The following CSMD1 variants were observed in gnomAD, a reference collection of about 807,000 sequenced individuals.
CSMD1 encodes the protein CUB and sushi domain-containing protein 1.
In CSMD1, 213 loss-of-function variants were observed where a neutral mutation model predicts 417.5. The observed-to-expected ratio is 0.51, with a 90% CI of 0.46 to 0.57. The LOEUF (loss-of-function observed/expected upper bound fraction) is 0.57. Ranked by LOEUF, CSMD1 falls within the 20% of genes least tolerant of loss-of-function variation. CSMD1 has a pLI of 0.00. For missense variants in CSMD1, 6,923 were observed against 4,529.7 expected, an observed-to-expected ratio of 1.53 and a Z score of -15.17; for synonymous variants, 2,862 against 1,736.8, an observed-to-expected ratio of 1.65 and a Z score of -16.11.
At chr8:3,326,064 C>A (rs1445318750) in intron 23 of CSMD1, among the ~76,000 whole-genome samples, 1 of 152,120 alleles carries the variant, frequency 6.6e-6, no homozygotes, top group Non-Finnish European at 1.5e-5. Flanking sequence ...GATCACAGAC[C>A]CTTATTAAAC....
At chr8:3,469,715 T>C (rs979462159) in intron 11 of CSMD1, among the ~76,000 whole-genome samples, 2 of 152,222 alleles carry the variant, frequency 1.3e-5, no homozygotes, top group African/African-American at 2.4e-5. Context: ...AATCATATCA[T>C]CTGTCTATCA....
Position 4,469,247 on chromosome 8 carries a change from C to T in CSMD1, c.303-49182G>A, listed in dbSNP as rs143894462. The stretch of plus-strand genomic sequence containing the variant: ...AGGAAAGGAAAGCTCATAAAAGGAG[C>T]TCAGGGGTCAGGCTGCAGCAAAGAC... On this transcript the variant is annotated intron_variant, in intron 2 of 69. Coordinates refer to ENST00000635120, the MANE Select transcript of CSMD1 (RefSeq NM_033225.6). 5.4e-3 allele frequency among the ~76,000 whole-genome samples: 815 copies of T among 152,298 alleles called. 8 individuals carry two copies. The highest frequency in any genetic ancestry group is 0.017 in the African/African-American group (714 of 41,556).
At chr8:4,607,905 G>C (rs1294299774) in intron 2 of CSMD1, among the ~76,000 whole-genome samples, 2 of 152,078 alleles carry the variant, frequency 1.3e-5, no homozygotes, top group Non-Finnish European at 2.9e-5. Context: ...GTGGTGTCAA[G>C]AGCTTGGACA....
chr8:3,394,631 G>A (rs1274487263), intron 17 of CSMD1, among the ~76,000 whole-genome samples: 1 of 164 alleles, frequency 6.1e-3, no homozygotes, highest in African/African-American at 0.019. Context: ...AGAAAAAGTT[G>A]GGGGGAGGGG....
chr8:4,446,236 G>A (rs1348390795), intron 2 of CSMD1, among the ~76,000 whole-genome samples: 1 of 152,128 alleles, frequency 6.6e-6, no homozygotes, highest in East Asian at 1.9e-4. Context: ...GGATACCTTT[G>A]GGACAGAAGA....
rs1804216455 is a variant in CSMD1, at chr8:4,266,192, AG to A, written c.415+153760del. 2.9e-5 allele frequency among the ~76,000 whole-genome samples: 3 copies of A among 104,592 alleles called. 1 individual carries two copies. Among genetic ancestry groups the A allele is most frequent in the Admixed American group, 9.1e-5 (1 of 10,942 alleles). 68.6% of individuals were successfully genotyped at this position (104,592 alleles called of 152,430 possible). On this transcript the variant is annotated intron_variant, in intron 3 of 69. Transcript: ENST00000635120. ...AACCCAGTGTTATTCACCAAGTTGG[AG>A]GTTTTTTACGTTATTTTTTCTAAGT... is the stretch of plus-strand genomic sequence containing the variant.
At chr8:4,122,925 A>G (rs745315533) in intron 3 of CSMD1, among the ~76,000 whole-genome samples, 3 of 152,250 alleles carry the variant, frequency 2.0e-5, no homozygotes, top group Non-Finnish European at 4.4e-5. Context: ...ACACAAATCC[A>G]CGTTAAATTC....
At position 4,449,164 on chromosome 8, in the gene CSMD1, G is replaced by T. The variant is rs114495795; in HGVS notation, c.303-29099C>A. On this transcript the variant is annotated intron_variant, in intron 2 of 69. Transcript: ENST00000635120. ...GACTTTGCAAATATTTAGCAATATA[G>T]ATCACTCAAAAGCAAGTACATTCTT... 2.3e-3 allele frequency among the ~76,000 whole-genome samples: 343 copies of T among 152,236 alleles called. 1 individual carries two copies. The highest frequency in any genetic ancestry group is 7.6e-3 in the African/African-American group (315 of 41,546).
chr8:4,882,657 G>T (rs1186538552), intron 1 of CSMD1, among the ~76,000 whole-genome samples: 1 of 151,868 alleles, frequency 6.6e-6, no homozygotes, highest in Non-Finnish European at 1.5e-5. Context: ...GTACAACGTT[G>T]TAGACTCTTC....
At chr8:3,320,135 C>A (rs1806058310) in intron 23 of CSMD1, among the ~76,000 whole-genome samples, 1 of 152,196 alleles carries the variant, frequency 6.6e-6, no homozygotes, top group African/African-American at 2.4e-5. Context: ...GCAGGTTTGT[C>A]TGTGCTGTCC....
intron 1 of CSMD1, among the ~76,000 whole-genome samples, chr8:4,688,381 G>A (rs550180698): frequency 2.0e-5 from 3 of 152,282 alleles, no homozygotes; most frequent in South Asian, 4.1e-4. Context: ...CTATCAGGTT[G>A]AGCGTGGCCT....
Position 3,439,311 on chromosome 8 carries a change from T to TA in CSMD1, c.1561+29400_1561+29401insT, listed in dbSNP as rs1563390619. On this transcript the variant is annotated intron_variant, in intron 12 of 69. Transcript: ENST00000635120. ...TATATATATATATATATATATATATTTTTTTTTTTAATATGTATTTTTAAT... is the reference window on the plus strand; with the variant it reads ...TATATATATATATATATATATATATTATTTTTTTTTAATATGTATTTTTAAT... Among the ~76,000 whole-genome samples, 178 of 36,270 alleles carry TA rather than the reference T, an allele frequency of 4.9e-3. 2 individuals carry two copies. Among genetic ancestry groups the TA allele is most frequent in the Non-Finnish European group, 6.1e-3 (125 of 20,552 alleles). 23.8% of individuals were successfully genotyped at this position (36,270 alleles called of 152,430 possible). A position where few individuals can be genotyped will look rare whatever the true frequency, so the allele number is the denominator to read the frequency against.
At chr8:4,245,430 G>C (rs115027419) in intron 3 of CSMD1, among the ~76,000 whole-genome samples, 1 of 152,132 alleles carries the variant, frequency 6.6e-6, no homozygotes, top group Non-Finnish European at 1.5e-5. Context: ...GGAGGAGGCA[G>C]GTTAGGTGGT....
intron 8 of CSMD1, among the ~76,000 whole-genome samples, chr8:3,587,014 G>T (rs1047346135): frequency 6.6e-5 from 10 of 152,224 alleles, no homozygotes; most frequent in African/African-American, 2.4e-4. Context: ...TCGCCAGGCT[G>T]GTCTTCAACT....
chr8:4,323,301 G>A lies in CSMD1; in HGVS notation c.415+96652C>T, dbSNP rs554612759. ...AGGTTCAACAGACTTATTTCACACA[G>A]TCTTACTCTATATAGTACTTCAACC... On this transcript the variant is annotated intron_variant, in intron 3 of 69. Transcript: ENST00000635120. Among the ~76,000 whole-genome samples, 11 of 152,220 alleles carry A rather than the reference G, an allele frequency of 7.2e-5. No individual in the cohort carries two copies. In the East Asian group the frequency reaches 2.1e-3, roughly 29 times the overall value.
At chr8:3,727,917 T>C (rs988014667) in intron 6 of CSMD1, among the ~76,000 whole-genome samples, 2 of 152,182 alleles carry the variant, frequency 1.3e-5, no homozygotes, top group Non-Finnish European at 2.9e-5. Context: ...AGTAGTCAAA[T>C]TCAAAGAGCG....
chr8:4,342,728 C>T (rs554763965), intron 3 of CSMD1, among the ~76,000 whole-genome samples: 1 of 152,188 alleles, frequency 6.6e-6, no homozygotes, highest in East Asian at 1.9e-4. Context: ...GGAGAACATT[C>T]CGCAGTAGAC....
chr8:4,575,958 C>G (rs560002422), intron 2 of CSMD1, among the ~76,000 whole-genome samples: 17 of 152,284 alleles, frequency 1.1e-4, no homozygotes, highest in African/African-American at 4.1e-4. Context: ...AAATCAAACT[C>G]GTAAATCCAC....
intron 7 of CSMD1, among the ~76,000 whole-genome samples, chr8:3,655,788 C>A (rs1429195517): frequency 1.3e-5 from 2 of 151,662 alleles, no homozygotes; most frequent in Non-Finnish European, 2.9e-5. Context: ...AAGGTAGAGT[C>A]TAATAGCAAG....
Sources: gnomAD v4.1 joint callset for allele counts (sites outside exome capture counted in the v4.1 genomes callset) on GRCh38, gnomAD v4.1.1 for gene constraint, MANE v1.5 for transcripts, NCBI Gene and HGNC (gene_info 2026-07-23, HGNC 2026-07-21) for gene names.